Variants in TRPM3 observed in about 807,000 individuals in gnomAD.
TRPM3 encodes transient receptor potential cation channel subfamily M member 3.
In TRPM3, 77 loss-of-function variants were observed where a neutral mutation model predicts 181.2. The observed-to-expected ratio is 0.42, with a 90% confidence interval of 0.35 to 0.51. The LOEUF (loss-of-function observed/expected upper bound fraction) is 0.51, where lower values mean the gene tolerates loss of function less well. Among genes scored for constraint, TRPM3 ranks in the 20% least tolerant of loss-of-function variants. The pLI is 0.01. For missense variants in TRPM3, 1,759 were observed against 2,196.7 expected (o/e 0.80, Z 3.98); for synonymous variants, 745 against 796.4 (o/e 0.94, Z 1.09).
At chr9:70,604,892 CCTAT>C (rs1235602274) in intron 19 of TRPM3, among the ~76,000 whole-genome samples, 2 of 150,898 alleles carry the variant, frequency 1.3e-5, no homozygotes, top group African/African-American at 4.9e-5. Flanking sequence ...AAGAGATCCT[CCTAT>C]CTATCTTGGC....
At chr9:71,296,850 A>C (rs531806501) in intron 1 of TRPM3, among the ~76,000 whole-genome samples, 1 of 152,288 alleles carries the variant, frequency 6.6e-6, no homozygotes, top group South Asian at 2.1e-4. Context: ...AGAACTTACT[A>C]ATTGAGCTCA....
chr9:70,823,689 G>GC (rs71507014), intron 6 of TRPM3, among the ~76,000 whole-genome samples: 82,060 of 152,002 alleles, frequency 0.54, 22,698 homozygotes, highest in Non-Finnish European at 0.59. Context: ...TACTATGGTT[G>GC]CCCCCCTTGA....
At chr9:71,118,451 C>G (rs1022538979) in intron 1 of TRPM3, among the ~76,000 whole-genome samples, 2 of 152,130 alleles carry the variant, frequency 1.3e-5, no homozygotes, top group African/African-American at 4.8e-5. Flanking sequence ...GATTATGAAG[C>G]CATTTCTAAA....
chr9:71,396,965 CAAA>C (rs76027591), intron 1 of TRPM3, among the ~76,000 whole-genome samples: 1 of 97,470 alleles, frequency 1.0e-5, no homozygotes. Context: ...GACTTCATCT[CAAA>C]AAAAAAAAAA....
At chr9:70,901,300 G>C (rs1292711195) in intron 1 of TRPM3, among the ~76,000 whole-genome samples, 2 of 152,156 alleles carry the variant, frequency 1.3e-5, no homozygotes. Flanking sequence ...TAAGCATTAG[G>C]TAATATAGGG....
At chr9:70,984,919 A>G (rs948696914) in intron 1 of TRPM3, among the ~76,000 whole-genome samples, 2 of 152,266 alleles carry the variant, frequency 1.3e-5, no homozygotes, top group African/African-American at 4.8e-5. Flanking sequence ...CTTGCAGAAT[A>G]TGAGGTCATT....
chr9:71,240,466 A>T (rs1351754299), intron 1 of TRPM3, among the ~76,000 whole-genome samples: 1 of 152,170 alleles, frequency 6.6e-6, no homozygotes, highest in Non-Finnish European at 1.5e-5. Flanking sequence ...AACTCTAACC[A>T]TGACTATTAG....
chr9:70,629,920 CATGA>C (rs1267175356), intron 12 of TRPM3, among the ~76,000 whole-genome samples: 1 of 152,198 alleles, frequency 6.6e-6, no homozygotes, highest in Non-Finnish European at 1.5e-5. Context: ...GGTTTTATAA[CATGA>C]ATAAAATTGA....
chr9:71,026,772 AT>A (rs2056583151), intron 1 of TRPM3, among the ~76,000 whole-genome samples: 2 of 152,180 alleles, frequency 1.3e-5, no homozygotes, highest in Admixed American at 1.3e-4. Flanking sequence ...GCCAGTGTGA[AT>A]GTGCACAGAG....
intron 19 of TRPM3, among the ~76,000 whole-genome samples, chr9:70,608,019 C>G (rs939030860): frequency 6.6e-6 from 1 of 152,214 alleles, no homozygotes; most frequent in Non-Finnish European, 1.5e-5. Flanking sequence ...GAAGGTGTAA[C>G]AAGACCAATC....
At chr9:71,288,907 G>A (rs2085532261) in intron 1 of TRPM3, among the ~76,000 whole-genome samples, 1 of 152,038 alleles carries the variant, frequency 6.6e-6, no homozygotes, top group South Asian at 2.1e-4. Context: ...TATCTCCTTG[G>A]TTTTGACTCT....
chr9:71,309,282 T>C (rs1158491006), intron 1 of TRPM3, among the ~76,000 whole-genome samples: 1 of 152,186 alleles, frequency 6.6e-6, no homozygotes, highest in African/African-American at 2.4e-5. Flanking sequence ...CATTTTTGTT[T>C]CGTATTCATG....
chr9:71,095,813 G>T (rs1235012662), intron 1 of TRPM3, among the ~76,000 whole-genome samples: 1 of 149,930 alleles, frequency 6.7e-6, no homozygotes, highest in Non-Finnish European at 1.5e-5. Flanking sequence ...GAAAGAGAGA[G>T]AGACTGACAA....
At chr9:71,155,288 T>C (rs1190376070) in intron 1 of TRPM3, among the ~76,000 whole-genome samples, 1 of 152,038 alleles carries the variant, frequency 6.6e-6, no homozygotes, top group Non-Finnish European at 1.5e-5. Flanking sequence ...AGACATTTAT[T>C]GAATACTTAC....
intron 1 of TRPM3, among the ~76,000 whole-genome samples, chr9:71,145,706 A>T (rs1442329463): frequency 6.6e-6 from 1 of 152,172 alleles, no homozygotes. Context: ...TGAGAAAAAA[A>T]AATTGAAGGA....
chr9:70,620,065 G>A lies in TRPM3; in HGVS notation c.2129+11C>T, dbSNP rs1456978898. ...TCCCCCTGACCAGCCCATTTTGCTG[G>A]GCGGACCCACCTGGAATTGTGATTC... On this transcript the variant is annotated intron_variant, in intron 16 of 25. Transcript: ENST00000677713. 6.3e-7 allele frequency: 1 copy of A among 1,596,214 alleles called. No individual in the cohort carries two copies. The highest frequency in any genetic ancestry group is 8.6e-7 in the Non-Finnish European group (1 of 1,167,976).
At chr9:71,381,351 G>T (rs112492273) in intron 1 of TRPM3, among the ~76,000 whole-genome samples, 7 of 152,184 alleles carry the variant, frequency 4.6e-5, no homozygotes, top group African/African-American at 1.7e-4. Flanking sequence ...GACAGTAGGT[G>T]GGTATATCAC....
chr9:71,040,714 G>T (rs182501788), intron 1 of TRPM3, among the ~76,000 whole-genome samples: 7 of 152,180 alleles, frequency 4.6e-5, no homozygotes, highest in Admixed American at 4.6e-4. Context: ...CTCAACTTAG[G>T]GATGAAAACT....
Position 70,537,176 on chromosome 9 carries a change from A to T in TRPM3, c.3937T>A (p.Phe1313Ile), listed in dbSNP as rs2041989088. 4.4e-6 allele frequency: 7 copies of T among 1,590,054 alleles called. No individual in the cohort carries two copies. In the East Asian group the frequency reaches 1.6e-4, roughly 36 times the overall value. ...AAGGTGTTCCCTTCCTGGCTGTTGA[A>T]GCTGCTCTGACGGACAATGTAGGCG... ...DAAYIVRQSS[F>I]NSQEGNTFKL... The change falls in exon 26 of 26, where the codon TTC (phenylalanine) becomes ATC (isoleucine). Residue 1313 changes from phenylalanine to isoleucine, a missense_variant. This residue lies in a region of TRPM3 where 612 missense variants were observed against 590.0 expected (regional missense o/e 1.04). Transcript: ENST00000677713.
Sources: gnomAD v4.1 joint callset for allele counts (sites outside exome capture counted in the v4.1 genomes callset) on GRCh38, gnomAD v4.1.1 for gene constraint, gnomAD v4.1.1 regional missense constraint, MANE v1.5 for transcripts, NCBI Gene and HGNC (gene_info 2026-07-23, HGNC 2026-07-21) for gene names.